Variants in BCAS3 observed in about 807,000 individuals in gnomAD.
BCAS3 encodes the protein BCAS3 microtubule associated cell migration factor.
BCAS3 carries 53 observed loss-of-function variants against 116.1 expected under a neutral mutation model. The ratio of observed to expected loss-of-function variants is 0.46; its 90% confidence interval spans 0.37 to 0.57. The LOEUF is 0.57. Ranked by LOEUF, BCAS3 falls within the 20% of genes least tolerant of loss-of-function variation. The pLI, the probability that BCAS3 is intolerant of heterozygous loss-of-function variation, is 0.00. For synonymous variants in BCAS3, 391 were observed against 408.2 expected (o/e 0.96, Z 0.51); for missense variants, 917 against 1,165.4 (o/e 0.79, Z 3.10).
chr17:61,344,060 CAG>C lies in BCAS3; in HGVS notation c.2426-24262_2426-24261del, dbSNP rs1248430728. On this transcript the variant is annotated intron_variant, in intron 22 of 23. Transcript: ENST00000407086. This position sits in a 1 kb window ranked among gnomAD's most constrained non-coding sequence, Gnocchi z 4.1. The stretch of plus-strand genomic sequence containing the variant: ...GACAGGCAAGAGTCAGTAATAAGAT[CAG>C]AGAGTAGAAGACTAGGGCCAGGAGC... Among the ~76,000 whole-genome samples, 1 of 152,074 alleles carries C rather than the reference CAG, an allele frequency of 6.6e-6. No homozygotes were observed. Among genetic ancestry groups the C allele is most frequent in the Non-Finnish European group, 1.5e-5 (1 of 68,004 alleles).
At chr17:61,268,703 A>G (rs2144618365) in intron 22 of BCAS3, among the ~76,000 whole-genome samples, 1 of 152,100 alleles carries the variant, frequency 6.6e-6, no homozygotes. Context: ...GATTACAGGC[A>G]TGCACCACCA....
At chr17:60,769,424 GT>G (rs1441238224) in intron 6 of BCAS3, among the ~76,000 whole-genome samples, 1 of 152,192 alleles carries the variant, frequency 6.6e-6, no homozygotes, top group East Asian at 1.9e-4. Context: ...GGTGGGCTTT[GT>G]CTTTGAAGCA....
intron 22 of BCAS3, among the ~76,000 whole-genome samples, chr17:61,146,113 G>GTTT (rs5821302): frequency 8.4e-5 from 12 of 142,946 alleles, no homozygotes; most frequent in African/African-American, 7.8e-5. Context: ...CTGGTTTTTT[G>GTTT]TTTTTTTTTT....
intron 6 of BCAS3, among the ~76,000 whole-genome samples, chr17:60,765,455 A>G (rs2043993916): frequency 6.6e-6 from 1 of 152,128 alleles, no homozygotes; most frequent in South Asian, 2.1e-4. Context: ...TATGAAGCTT[A>G]GTTTGGCTGG....
chr17:61,302,913 A>G lies in BCAS3; in HGVS notation c.2426-65414A>G, dbSNP rs2053565777. 6.6e-6 allele frequency among the ~76,000 whole-genome samples: 1 copy of G among 152,220 alleles called. No individual in the cohort carries two copies. Among genetic ancestry groups the G allele is most frequent in the Non-Finnish European group, 1.5e-5 (1 of 68,040 alleles). On this transcript the variant is annotated intron_variant, in intron 22 of 23. Transcript: ENST00000407086. This position sits in a 1 kb window ranked among gnomAD's most constrained non-coding sequence, Gnocchi z 4.4. ...AATACGGGCTTTGAGAGAGAAGACC[A>G]TCTATCTCTAAGGTCCCTTCCAGTG...
intron 14 of BCAS3, among the ~76,000 whole-genome samples, chr17:60,988,692 A>G (rs1436913473): frequency 6.6e-6 from 1 of 152,106 alleles, no homozygotes; most frequent in East Asian, 1.9e-4. Context: ...ATAATTGCTC[A>G]TAGTAGCCTC....
chr17:60,799,385 A>G lies in BCAS3; in HGVS notation c.404-8619A>G, dbSNP rs569965097. ...AATCAAGATACAGCACTGTTCCGTC[A>G]CCACAAAGATCTCCCTTATGCTACC... On this transcript the variant is annotated intron_variant, in intron 6 of 23. Transcript: ENST00000407086. Among the ~76,000 whole-genome samples the G allele has an allele frequency of 2.0e-5, 3 of 152,228 alleles. No homozygotes were observed. The East Asian group carries it at 5.8e-4, about 29-fold the overall frequency.
intron 1 of BCAS3, among the ~76,000 whole-genome samples, chr17:60,678,907 G>T (rs59990825): frequency 0.048 from 7,269 of 152,204 alleles, 609 homozygotes; most frequent in African/African-American, 0.17. Flanking sequence ...ATTGTTTTGT[G>T]GTTCTGAGAC....
chr17:60,892,941 A>C (rs2057274344), intron 10 of BCAS3, among the ~76,000 whole-genome samples: 3 of 152,020 alleles, frequency 2.0e-5, no homozygotes, highest in Admixed American at 2.0e-4. Flanking sequence ...AAATAAAAAT[A>C]AAAAGTCGTT....
intron 14 of BCAS3, among the ~76,000 whole-genome samples, chr17:60,978,324 C>T (rs2062560057): frequency 6.8e-6 from 1 of 147,890 alleles, no homozygotes; most frequent in Non-Finnish European, 1.5e-5. Context: ...CTGTTCATGT[C>T]CTTTGCCCAC....
At chr17:60,879,494 A>G (rs1453863047) in intron 9 of BCAS3, among the ~76,000 whole-genome samples, 2 of 152,220 alleles carry the variant, frequency 1.3e-5, no homozygotes, top group Admixed American at 6.5e-5. Context: ...ACACCTTTGT[A>G]TTTGGATATA....
At chr17:60,898,809 TC>T (rs1473000403) in intron 10 of BCAS3, among the ~76,000 whole-genome samples, 1 of 152,036 alleles carries the variant, frequency 6.6e-6, no homozygotes, top group Non-Finnish European at 1.5e-5. Flanking sequence ...TTATTTTTGT[TC>T]CTAGTGGCGT....
intron 12 of BCAS3, among the ~76,000 whole-genome samples, chr17:60,920,157 A>T (rs2058996893): frequency 6.6e-6 from 1 of 152,214 alleles, no homozygotes; most frequent in African/African-American, 2.4e-5. Flanking sequence ...ATAGATGAAA[A>T]CCTAGGAAAT....
chr17:60,935,347 TTAAA>T (rs1161400117), intron 13 of BCAS3, among the ~76,000 whole-genome samples: 4 of 152,142 alleles, frequency 2.6e-5, no homozygotes, highest in East Asian at 1.9e-4. Flanking sequence ...TTATAGTTAA[TTAAA>T]TAATTTATAC....
chr17:61,355,870 T>C lies in BCAS3; in HGVS notation c.2426-12457T>C, dbSNP rs568962830. On this transcript the variant is annotated intron_variant, in intron 22 of 23. Transcript: ENST00000407086. The surrounding 1 kb of genome is among the most constrained non-coding windows in gnomAD (Gnocchi z 4.2). The stretch of plus-strand genomic sequence containing the variant: ...TTTCCATTGAAGGAATTGCTAGGTT[T>C]CCGAGGATAGTTTGTCTTGCAGTGT... Among the ~76,000 whole-genome samples, 1 of 152,338 alleles carries C rather than the reference T, an allele frequency of 6.6e-6. No homozygotes were observed. Among genetic ancestry groups the C allele is most frequent in the South Asian group, 2.1e-4 (1 of 4,828 alleles).
intron 10 of BCAS3, among the ~76,000 whole-genome samples, chr17:60,891,505 G>C (rs1445369927): frequency 6.6e-6 from 1 of 152,188 alleles, no homozygotes; most frequent in Non-Finnish European, 1.5e-5. Context: ...TCCTTACATA[G>C]TATTTTCATA....
intron 12 of BCAS3, among the ~76,000 whole-genome samples, chr17:60,913,513 C>T (rs1302945609): frequency 6.6e-6 from 1 of 151,978 alleles, no homozygotes; most frequent in Non-Finnish European, 1.5e-5. Flanking sequence ...ATAAGTAGTT[C>T]AGTTGGAGTA....
chr17:61,301,975 T>A (rs778022739), intron 22 of BCAS3, among the ~76,000 whole-genome samples: 1 of 152,184 alleles, frequency 6.6e-6, no homozygotes, highest in East Asian at 1.9e-4. Context: ...AGACATCAGA[T>A]CATCTCTAGA....
chr17:61,066,350 C>T (rs1310477409), intron 19 of BCAS3, among the ~76,000 whole-genome samples: 1 of 152,174 alleles, frequency 6.6e-6, no homozygotes, highest in East Asian at 1.9e-4. Context: ...GCTCGATGTT[C>T]ATTATGCTTT....
Sources: allele counts gnomAD v4.1 joint callset (sites outside exome capture counted in the v4.1 genomes callset), GRCh38; gene constraint gnomAD v4.1.1; non-coding constraint Gnocchi (gnomAD v3.1); transcripts MANE v1.5; gene names NCBI Gene and HGNC (gene_info 2026-07-23, HGNC 2026-07-21).